The following IGF2BP2 variants were observed in gnomAD, a reference collection of about 807,000 sequenced individuals.
The protein encoded by IGF2BP2 is insulin like growth factor 2 mRNA binding protein 2.
A neutral mutation model predicts 75.8 loss-of-function variants in IGF2BP2; 17 were observed. The observed-to-expected ratio is 0.22, with a 90% confidence interval of 0.15 to 0.34. IGF2BP2 has a LOEUF of 0.34. Among genes scored for constraint, IGF2BP2 ranks in the 10% least tolerant of loss-of-function variants. IGF2BP2 has a pLI of 1.00. For missense variants in IGF2BP2, 516 were observed against 772.4 expected, an observed-to-expected ratio of 0.67 and a Z score of 3.93; for synonymous variants, 288 against 295.6, an observed-to-expected ratio of 0.97 and a Z score of 0.26.
chr3:185,670,941 A>T (rs1718413047), intron 10 of IGF2BP2, among the ~76,000 whole-genome samples: 1 of 152,208 alleles, frequency 6.6e-6, no homozygotes, highest in Non-Finnish European at 1.5e-5. Flanking sequence ...TACCTATACT[A>T]AGAGGGTAGC....
intron 2 of IGF2BP2, among the ~76,000 whole-genome samples, chr3:185,811,801 A>C (rs1212617562): frequency 2.0e-5 from 3 of 149,974 alleles, no homozygotes; most frequent in African/African-American, 4.9e-5. Flanking sequence ...GATGGAGCAC[A>C]TGGCAGGGGA....
intron 10 of IGF2BP2, among the ~76,000 whole-genome samples, chr3:185,665,409 A>AGGAGGAGAAGGAC: frequency 8.1e-5 from 2 of 24,844 alleles, no homozygotes; most frequent in South Asian, 1.8e-3. Flanking sequence ...AGGAGAAGGA[A>AGGAGGAGAAGGAC]AAGGAGGAGA....
intron 2 of IGF2BP2, among the ~76,000 whole-genome samples, chr3:185,795,851 A>T (rs1737301104): frequency 6.6e-6 from 1 of 152,026 alleles, no homozygotes; most frequent in Non-Finnish European, 1.5e-5. Context: ...ACACCACTAC[A>T]CTCCAGGCTG....
chr3:185,779,506 A>G (rs35984789), intron 2 of IGF2BP2, among the ~76,000 whole-genome samples: 1 of 152,206 alleles, frequency 6.6e-6, no homozygotes, highest in Non-Finnish European at 1.5e-5. Context: ...GAGTTAATAC[A>G]TGGGCACACA....
intron 2 of IGF2BP2, among the ~76,000 whole-genome samples, chr3:185,702,542 G>A (rs1477237702): frequency 6.6e-6 from 1 of 152,124 alleles, no homozygotes; most frequent in East Asian, 1.9e-4. Context: ...ATGAAACCAA[G>A]CTTCTCTAAT....
At chr3:185,816,464 G>T (rs1047739192) in intron 2 of IGF2BP2, among the ~76,000 whole-genome samples, 1 of 152,178 alleles carries the variant, frequency 6.6e-6, no homozygotes, top group Non-Finnish European at 1.5e-5. Context: ...ATTCACAAAT[G>T]TATTTTCATA....
chr3:185,815,269 T>C (rs1411428534), intron 2 of IGF2BP2, among the ~76,000 whole-genome samples: 1 of 152,240 alleles, frequency 6.6e-6, no homozygotes, highest in Admixed American at 6.5e-5. Flanking sequence ...AAATTAAAAA[T>C]ATACTGAACT....
At chr3:185,646,941 G>T in intron 15 of IGF2BP2, 84 bp downstream of exon 15, 1 of 1,021,542 alleles carries the variant, frequency 9.8e-7, no homozygotes, top group Non-Finnish European at 1.5e-6. Context: ...CTCAGGGCCT[G>T]TGGCCACCTG....
chr3:185,823,252 G>A (rs772592370), intron 1 of IGF2BP2, 39 bp from the exon 2 acceptor site: 1 of 1,525,580 alleles, frequency 6.6e-7, no homozygotes, highest in Non-Finnish European at 9.0e-7. Context: ...ACCTTGCTTA[G>A]ATCAAGCCCG....
intron 14 of IGF2BP2, 91 bp downstream of exon 14, chr3:185,649,312 A>G (rs1366555700): frequency 6.6e-7 from 1 of 1,515,102 alleles, no homozygotes; most frequent in Admixed American, 1.9e-5. Context: ...ACATTGGGAC[A>G]GAAGGCGCCA....
chr3:185,688,311 T>C (rs1054567103), intron 6 of IGF2BP2, among the ~76,000 whole-genome samples: 1 of 152,204 alleles, frequency 6.6e-6, no homozygotes, highest in Non-Finnish European at 1.5e-5. Flanking sequence ...CTAATTGTCA[T>C]AATAATCCTG....
chr3:185,743,082 G>C (rs561244153), intron 2 of IGF2BP2, among the ~76,000 whole-genome samples: 2 of 152,188 alleles, frequency 1.3e-5, no homozygotes, highest in African/African-American at 2.4e-5. Flanking sequence ...CTGGGCGACA[G>C]AGTGAGACTC....
At chr3:185,813,747 T>C (rs1016785619) in intron 2 of IGF2BP2, among the ~76,000 whole-genome samples, 1 of 152,134 alleles carries the variant, frequency 6.6e-6, no homozygotes, top group African/African-American at 2.4e-5. Flanking sequence ...AACCCATACA[T>C]TCCAACACAT....
chr3:185,749,422 C>A (rs1202429342), intron 2 of IGF2BP2, among the ~76,000 whole-genome samples: 1 of 152,148 alleles, frequency 6.6e-6, no homozygotes, highest in Non-Finnish European at 1.5e-5. Flanking sequence ...TAGACAGTAA[C>A]AATTATAATG....
chr3:185,800,103 A>G (rs1284383843), intron 2 of IGF2BP2, among the ~76,000 whole-genome samples: 3 of 152,318 alleles, frequency 2.0e-5, no homozygotes, highest in Middle Eastern at 3.4e-3. Flanking sequence ...CAACCATAAA[A>G]AGAATGAGTC....
At chr3:185,673,086 G>A (rs1718776755) in intron 9 of IGF2BP2, among the ~76,000 whole-genome samples, 1 of 152,156 alleles carries the variant, frequency 6.6e-6, no homozygotes. Context: ...GGTTTCACCT[G>A]AGCATAGATT....
At chr3:185,690,429 T>A (rs1357053143) in intron 5 of IGF2BP2, among the ~76,000 whole-genome samples, 1 of 152,210 alleles carries the variant, frequency 6.6e-6, no homozygotes, top group Non-Finnish European at 1.5e-5. Flanking sequence ...ACAGTTAATA[T>A]TCTAAAACAT....
intron 2 of IGF2BP2, among the ~76,000 whole-genome samples, chr3:185,741,597 A>C (rs1729564005): frequency 6.6e-6 from 1 of 152,226 alleles, no homozygotes; most frequent in Non-Finnish European, 1.5e-5. Context: ...TCCAGGTCCC[A>C]TGGGATTACA....
chr3:185,677,054 T>G (rs1484445459), intron 7 of IGF2BP2, among the ~76,000 whole-genome samples: 13 of 55,496 alleles, frequency 2.3e-4, no homozygotes, highest in African/African-American at 1.0e-3. Context: ...GATATATATA[T>G]ATATATATAT....
Sources: allele counts gnomAD v4.1 joint callset (sites outside exome capture counted in the v4.1 genomes callset), GRCh38; gene constraint gnomAD v4.1.1; transcripts MANE v1.5; gene names NCBI Gene and HGNC (gene_info 2026-07-23, HGNC 2026-07-21).